ERBB4: variants seen among roughly 807,000 people sequenced by gnomAD.
The protein encoded by ERBB4 is erb-b2 receptor tyrosine kinase 4, also known as receptor tyrosine-protein kinase erbB-4.
Under a neutral mutation model 158.0 loss-of-function variants are expected in ERBB4, and 42 were observed. The ratio of observed to expected loss-of-function variants is 0.27; its 90% CI spans 0.21 to 0.34. The LOEUF (loss-of-function observed/expected upper bound fraction) is 0.34, where lower values mean the gene tolerates loss of function less well. Ranked by LOEUF, ERBB4 falls within the 10% of genes least tolerant of loss-of-function variation. The pLI is 1.00. For missense variants in ERBB4, 1,333 were observed against 1,624.1 expected (o/e 0.82, Z 3.08); for synonymous variants, 583 against 558.7 (o/e 1.04, Z -0.61).
At chr2:212,229,743 G>A (rs1206923282) in intron 1 of ERBB4, among the ~76,000 whole-genome samples, 23 of 152,146 alleles carry the variant, frequency 1.5e-4, no homozygotes, top group Admixed American at 1.4e-3. Context: ...GAATAGAAAG[G>A]AGAGAAGGAG....
intron 2 of ERBB4, among the ~76,000 whole-genome samples, chr2:212,056,957 T>C (rs972010204): frequency 6.6e-5 from 10 of 152,162 alleles, no homozygotes; most frequent in African/African-American, 2.4e-4. Flanking sequence ...ATGGGCTAAA[T>C]GCTCCAATTA....
At chr2:211,886,379 A>G (rs1370029198) in intron 3 of ERBB4, among the ~76,000 whole-genome samples, 2 of 152,224 alleles carry the variant, frequency 1.3e-5, no homozygotes, top group African/African-American at 2.4e-5. Flanking sequence ...TATTCTCATC[A>G]GCAAGAATAA....
chr2:212,398,842 C>A (rs1283618704), intron 1 of ERBB4, among the ~76,000 whole-genome samples: 1 of 152,010 alleles, frequency 6.6e-6, no homozygotes, highest in Non-Finnish European at 1.5e-5. Context: ...GCTTAAAAGA[C>A]CAAAGCAGAT....
At chr2:211,936,242 C>T (rs1187590709) in intron 3 of ERBB4, among the ~76,000 whole-genome samples, 1 of 151,422 alleles carries the variant, frequency 6.6e-6, no homozygotes, top group Non-Finnish European at 1.5e-5. Flanking sequence ...AAAAAAAAGA[C>T]CAAATTAAAA....
intron 1 of ERBB4, among the ~76,000 whole-genome samples, chr2:212,231,808 TA>T (rs977154301): frequency 3.3e-5 from 5 of 152,176 alleles, no homozygotes; most frequent in African/African-American, 9.7e-5. Flanking sequence ...TCAACTAGGA[TA>T]AAAAAATGCT....
At chr2:211,602,314 G>A (rs1480673382) in intron 19 of ERBB4, among the ~76,000 whole-genome samples, 1 of 152,060 alleles carries the variant, frequency 6.6e-6, no homozygotes, top group Non-Finnish European at 1.5e-5. Context: ...GCAGGTGCTT[G>A]GACTCTGTCA....
At chr2:212,369,865 C>T (rs545081809) in intron 1 of ERBB4, among the ~76,000 whole-genome samples, 1 of 152,002 alleles carries the variant, frequency 6.6e-6, no homozygotes, top group Non-Finnish European at 1.5e-5. Flanking sequence ...CTGGAATATA[C>T]TAATTTCGTT....
rs906236172 is a variant in ERBB4, at chr2:211,378,302, T to C, written c.*5313A>G. The C allele has an allele frequency of 4.3e-6, 1 of 232,694 alleles. No individual in the cohort carries two copies. Among genetic ancestry groups the C allele is most frequent in the South Asian group, 1.8e-4 (1 of 5,526 alleles). The allele number at this position is 232,694 out of a possible 1,614,324, so 14.4% of individuals were successfully genotyped here. ...AATTGGGGCTTAGAGTCATTTTAGC[T>C]TGTGACTATAGAAGCATTTACTTCT... On this transcript the variant is annotated 3_prime_UTR_variant, in exon 28 of 28. Transcript: ENST00000342788.
chr2:211,387,592 A>C lies in ERBB4; in HGVS notation c.3183+353T>G, dbSNP rs1188954874. ...CTTCGAAAATTCTGTGGTTATTATGAATTTGAGGCTCTAGTACCTAACTAG... is the reference window on the plus strand; with the variant it reads ...CTTCGAAAATTCTGTGGTTATTATGCATTTGAGGCTCTAGTACCTAACTAG... On this transcript the variant is annotated intron_variant, in intron 26 of 27. Transcript: ENST00000342788. Among the ~76,000 whole-genome samples the C allele has an allele frequency of 2.0e-5, 3 of 152,292 alleles. No homozygotes were observed. In the South Asian group the frequency reaches 6.2e-4, roughly 32 times the overall value.
intron 3 of ERBB4, among the ~76,000 whole-genome samples, chr2:211,860,973 TTTAA>T: frequency 1.2e-4 from 10 of 85,038 alleles, no homozygotes; most frequent in Non-Finnish European, 1.7e-4. Flanking sequence ...TATAAATATA[TTTAA>T]ATATATTATA....
At chr2:212,059,462 CA>C (rs1424076213) in intron 2 of ERBB4, among the ~76,000 whole-genome samples, 3 of 151,994 alleles carry the variant, frequency 2.0e-5, no homozygotes, top group African/African-American at 4.8e-5. Context: ...CATATGGAAC[CA>C]AAAAAGAGCC....
At chr2:211,842,317 CT>C (rs1361066663) in intron 3 of ERBB4, among the ~76,000 whole-genome samples, 1 of 151,600 alleles carries the variant, frequency 6.6e-6, no homozygotes, top group Admixed American at 6.6e-5. Flanking sequence ...AACATTTTTC[CT>C]TGTTAATACA....
intron 1 of ERBB4, among the ~76,000 whole-genome samples, chr2:212,246,422 G>A (rs12151478): frequency 0.22 from 34,082 of 151,964 alleles, 4,136 homozygotes; most frequent in African/African-American, 0.25. Context: ...TTTTAATAAC[G>A]GAAATCAACA....
At chr2:212,345,528 C>T (rs1340265831) in intron 1 of ERBB4, among the ~76,000 whole-genome samples, 3 of 152,044 alleles carry the variant, frequency 2.0e-5, no homozygotes, top group Non-Finnish European at 4.4e-5. Context: ...AATGGAGAAA[C>T]TACCTAGACT....
chr2:212,522,831 A>G (rs147364508), intron 1 of ERBB4, among the ~76,000 whole-genome samples: 1 of 151,978 alleles, frequency 6.6e-6, no homozygotes, highest in Non-Finnish European at 1.5e-5. Context: ...ACAGAGGATT[A>G]ATACCATCTA....
intron 1 of ERBB4, among the ~76,000 whole-genome samples, chr2:212,490,204 T>G (rs186690477): frequency 7.2e-5 from 11 of 151,994 alleles, no homozygotes; most frequent in Admixed American, 4.6e-4. Context: ...ACACGCATAT[T>G]TCTATTAATC....
chr2:211,393,766 T>A (rs1461645176), intron 25 of ERBB4, among the ~76,000 whole-genome samples: 1 of 150,692 alleles, frequency 6.6e-6, no homozygotes, highest in African/African-American at 2.5e-5. Context: ...TGTGTGTGTG[T>A]GTGTGTGTGT....
At chr2:212,127,966 T>C (rs1390851899) in intron 1 of ERBB4, among the ~76,000 whole-genome samples, 4 of 152,184 alleles carry the variant, frequency 2.6e-5, no homozygotes, top group Admixed American at 6.5e-5. Flanking sequence ...TAAATCGCTA[T>C]TGTTTTAAGC....
chr2:211,910,130 G>T (rs956201978), intron 3 of ERBB4, among the ~76,000 whole-genome samples: 1 of 151,324 alleles, frequency 6.6e-6, no homozygotes, highest in Admixed American at 6.6e-5. Flanking sequence ...ATGTTGCCCA[G>T]GTTGGTCTTG....
Sources: gnomAD v4.1 joint callset for allele counts (sites outside exome capture counted in the v4.1 genomes callset) on GRCh38, gnomAD v4.1.1 for gene constraint, MANE v1.5 for transcripts, NCBI Gene and HGNC (gene_info 2026-07-23, HGNC 2026-07-21) for gene names.